Variants in SYBU observed in about 807,000 individuals in gnomAD.
The protein encoded by SYBU is GOLSYN A protein.
A neutral mutation model predicts 35.9 loss-of-function variants in SYBU; 21 were observed. The observed-to-expected ratio is 0.58, with a 90% CI of 0.41 to 0.84. The LOEUF (loss-of-function observed/expected upper bound fraction) is 0.84, where lower values mean the gene tolerates loss of function less well. Ranked by LOEUF, SYBU falls within the 40% of genes least tolerant of loss-of-function variation. The pLI, the probability that SYBU is intolerant of heterozygous loss-of-function variation, is 0.00. For missense variants in SYBU, 768 were observed against 848.2 expected, an observed-to-expected ratio of 0.91 and a Z score of 1.17; for synonymous variants, 319 against 324.3, an observed-to-expected ratio of 0.98 and a Z score of 0.18.
intron 1 of SYBU, among the ~76,000 whole-genome samples, chr8:109,652,364 C>CCGT (rs1816180367): frequency 6.6e-6 from 1 of 151,198 alleles, no homozygotes. Flanking sequence ...TCCTCCTCCT[C>CCGT]CTTCTTTTTC....
chr8:109,654,648 C>T (rs995872936), intron 1 of SYBU, among the ~76,000 whole-genome samples: 1 of 150,090 alleles, frequency 6.7e-6, no homozygotes, highest in African/African-American at 2.5e-5. Context: ...CATGATTATC[C>T]CATAGTTAAT....
chr8:109,671,304 T>G (rs1353695809), intron 1 of SYBU, among the ~76,000 whole-genome samples: 1 of 152,066 alleles, frequency 6.6e-6, no homozygotes, highest in African/African-American at 2.4e-5. Context: ...TGAGTGCATA[T>G]TTCATAAGCT....
At chr8:109,645,404 A>T, upstream of SYBU, 1 of 446,318 alleles carries the variant, frequency 2.2e-6, no homozygotes, top group East Asian at 7.1e-5. Flanking sequence ...TTCAGTGGTC[A>T]GCGCAGCTCC....
intron 3 of SYBU, among the ~76,000 whole-genome samples, chr8:109,598,505 G>A (rs1202284620): frequency 6.6e-6 from 1 of 152,148 alleles, no homozygotes; most frequent in Non-Finnish European, 1.5e-5. Flanking sequence ...GGGACTAAAA[G>A]AGTACCTATC....
At chr8:109,679,667 C>T (rs368986865) in intron 1 of SYBU, among the ~76,000 whole-genome samples, 2 of 152,330 alleles carry the variant, frequency 1.3e-5, no homozygotes, top group African/African-American at 2.4e-5. Flanking sequence ...TAAGACAGCT[C>T]TCTATGTTAT....
rs866026805 is a variant in SYBU, at chr8:109,660,823, G to T, written c.-129+19888C>A. Among the ~76,000 whole-genome samples the T allele has an allele frequency of 2.0e-5, 3 of 152,044 alleles. No homozygotes were observed. In the South Asian group the frequency reaches 6.2e-4, roughly 32 times the overall value. Reference sequence around the variant, plus strand: ...TTTTACTTATGACAAATAAAAAGGAGGTCCTCATTCCACAGTGAGTGGAGC... The same window carrying T: ...TTTTACTTATGACAAATAAAAAGGATGTCCTCATTCCACAGTGAGTGGAGC... On this transcript the variant is annotated intron_variant, in intron 1 of 5. Transcript: ENST00000408889.
upstream of SYBU, among the ~76,000 whole-genome samples, chr8:109,683,717 C>T (rs79899147): frequency 7.8e-3 from 1,191 of 152,170 alleles, 15 homozygotes; most frequent in African/African-American, 0.027. Flanking sequence ...GTTCTGTGTC[C>T]GTCGCTCAAA....
intron 1 of SYBU, among the ~76,000 whole-genome samples, chr8:109,665,472 T>C (rs1393780372): frequency 6.6e-6 from 1 of 152,220 alleles, no homozygotes. Flanking sequence ...TTATTTAAAA[T>C]TAAGTGGGTA....
At position 109,660,171 on chromosome 8, in the gene SYBU, CAAAAGT is replaced by C. The variant is rs140894887; in HGVS notation, c.-129+20534_-129+20539del. Among the ~76,000 whole-genome samples, 594 of 152,160 alleles carry C rather than the reference CAAAAGT, an allele frequency of 3.9e-3. 6 individuals are homozygous for C. Among genetic ancestry groups the C allele is most frequent in the African/African-American group, 0.014 (568 of 41,538 alleles). On this transcript the variant is annotated intron_variant, in intron 1 of 5. Transcript: ENST00000408889. ...AGAACCATAGTTTTTGTTTATAAAT[CAAAAGT>C]AAAAGTCTTTTTACTTGTTACCCTA...
chr8:109,607,418 GCT>G (rs1826177923), intron 3 of SYBU, among the ~76,000 whole-genome samples: 1 of 152,104 alleles, frequency 6.6e-6, no homozygotes, highest in African/African-American at 2.4e-5. Context: ...ACACGAACAG[GCT>G]CTCTCTTGAT....
chr8:109,632,211 G>C (rs1813703760), intron 2 of SYBU, among the ~76,000 whole-genome samples: 1 of 152,090 alleles, frequency 6.6e-6, no homozygotes, highest in Admixed American at 6.6e-5. Flanking sequence ...CACCATGCCT[G>C]GTTAATTTTA....
In SYBU at chr8:109,575,996, T is replaced by G. The variant is rs1309871238; in HGVS notation, c.902A>C (p.Glu301Ala). Residue 301 changes from glutamate (E) to alanine (A), a missense_variant, in exon 7 of 7, where the codon GAG becomes GCG. Coordinates refer to ENST00000276646, the MANE Select transcript of SYBU (RefSeq NM_001099754.2). ...CATGCGGGCCAGCTGGGACTTAAGC[T>G]CCACGATTTCACTTTCCCTAGAGTG... ...RLHERESEIVELKSQLARMRE... is the reference protein window; with the variant it reads ...RLHERESEIVALKSQLARMRE... 6.7e-7 allele frequency: 1 copy of G among 1,500,816 alleles called. No homozygotes were observed. Among genetic ancestry groups the G allele is most frequent in the African/African-American group, 1.5e-5 (1 of 67,214 alleles). The allele number at this position is 1,500,816 out of a possible 1,614,324, so 93.0% of individuals were successfully genotyped here. A position where few individuals can be genotyped will look rare whatever the true frequency, so the allele number is the denominator to read the frequency against.
chr8:109,577,825 A>G (rs949836318), intron 6 of SYBU, 43 bp downstream of exon 6: 1 of 1,519,210 alleles, frequency 6.6e-7, no homozygotes. Flanking sequence ...TTATGGAGAA[A>G]GAAGTTGTCC....
chr8:109,674,441 C>T (rs570383209), intron 1 of SYBU, among the ~76,000 whole-genome samples: 54 of 152,204 alleles, frequency 3.5e-4, no homozygotes, highest in African/African-American at 1.2e-3. Context: ...AACTAAGCTT[C>T]ATAAGCAAAG....
At chr8:109,617,868 T>C (rs939963241) in intron 3 of SYBU, among the ~76,000 whole-genome samples, 1 of 152,230 alleles carries the variant, frequency 6.6e-6, no homozygotes, top group Non-Finnish European at 1.5e-5. Context: ...AATAATCCAT[T>C]ATGATGTATT....
chr8:109,633,123 T>A (rs1037151754), intron 2 of SYBU, among the ~76,000 whole-genome samples: 3 of 152,232 alleles, frequency 2.0e-5, no homozygotes, highest in Non-Finnish European at 4.4e-5. Context: ...TTATAACAGA[T>A]AAGTTTTTGT....
intron 1 of SYBU, among the ~76,000 whole-genome samples, chr8:109,687,920 C>T (rs73314605): frequency 0.015 from 2,327 of 152,298 alleles, 41 homozygotes; most frequent in African/African-American, 0.053. Flanking sequence ...ATTCTAACCA[C>T]ATTTTGACAA....
intron 1 of SYBU, 138 bp downstream of exon 1, chr8:109,644,498 T>A: frequency 9.7e-7 from 1 of 1,031,248 alleles, no homozygotes. Flanking sequence ...TCCTGCCTTC[T>A]CCAGACCCCA....
intron 1 of SYBU, among the ~76,000 whole-genome samples, chr8:109,666,670 G>A (rs28674875): frequency 0.011 from 1,738 of 152,224 alleles, 11 homozygotes; most frequent in Middle Eastern, 0.051. Context: ...TGCTAGTGGT[G>A]GGGGTTGGCA....
Sources: allele counts gnomAD v4.1 joint callset (sites outside exome capture counted in the v4.1 genomes callset), GRCh38; gene constraint gnomAD v4.1.1; transcripts MANE v1.5; gene names NCBI Gene and HGNC (gene_info 2026-07-23, HGNC 2026-07-21).